Variants in PDE4B observed in about 807,000 individuals in gnomAD.
PDE4B encodes the protein phosphodiesterase 4B.
A neutral mutation model predicts 82.2 loss-of-function variants in PDE4B; 20 were observed. The ratio of observed to expected loss-of-function variants is 0.24; its 90% CI spans 0.17 to 0.35. The LOEUF is 0.35. Among genes scored for constraint, PDE4B ranks in the 10% least tolerant of loss-of-function variants. The pLI is 1.00. For missense variants in PDE4B, 655 were observed against 907.2 expected, an observed-to-expected ratio of 0.72 and a Z score of 3.57; for synonymous variants, 320 against 318.9, an observed-to-expected ratio of 1.00 and a Z score of -0.04.
intron 1 of PDE4B, among the ~76,000 whole-genome samples, chr1:65,858,117 C>G (rs1222685556): frequency 6.6e-6 from 1 of 152,148 alleles, no homozygotes; most frequent in Non-Finnish European, 1.5e-5. Context: ...CTAATTTTGT[C>G]ATTTGTGGTT....
chr1:66,031,802 AT>A (rs34675365), intron 3 of PDE4B, among the ~76,000 whole-genome samples: 1 of 131,822 alleles, frequency 7.6e-6, no homozygotes, highest in Admixed American at 7.2e-5. Context: ...CAATAGAAAT[AT>A]TTTTTTTCTA....
chr1:66,090,621 A>ATATATATATATATGTGTGTGTG lies in PDE4B; in HGVS notation c.282-156838_282-156837insATATATATATATGTGTGTGTGT. Among the ~76,000 whole-genome samples the ATATATATATATATGTGTGTGTG allele has an allele frequency of 8.7e-4, 107 of 122,648 alleles. 2 individuals carry two copies. The highest frequency in any genetic ancestry group is 3.7e-3 in the African/African-American group (91 of 24,320). The allele number at this position is 122,648 out of a possible 152,430, so 80.5% of individuals were successfully genotyped here. A position where few individuals can be genotyped will look rare whatever the true frequency, so the allele number is the denominator to read the frequency against. ...TTATATATATATATGTATATAATAT[A>ATATATATATATATGTGTGTGTG]TGTGTGTGTGTGTGTGTGTATGTAC... On this transcript the variant is annotated intron_variant, in intron 3 of 16. Transcript: ENST00000341517.
chr1:65,862,353 A>T (rs893137742), intron 1 of PDE4B, among the ~76,000 whole-genome samples: 1 of 152,170 alleles, frequency 6.6e-6, no homozygotes, highest in African/African-American at 2.4e-5. Flanking sequence ...GATTACATTT[A>T]TTGATTTGCA....
chr1:66,065,323 G>C (rs1227413133), intron 3 of PDE4B, among the ~76,000 whole-genome samples: 2 of 151,802 alleles, frequency 1.3e-5, no homozygotes, highest in South Asian at 2.1e-4. Context: ...TCAATTTTAA[G>C]TAGCATCCTG....
chr1:66,063,362 G>A (rs1313685770), intron 3 of PDE4B, among the ~76,000 whole-genome samples: 1 of 152,002 alleles, frequency 6.6e-6, no homozygotes, highest in African/African-American at 2.4e-5. Flanking sequence ...CCTACTTAGG[G>A]ATTCTGATAT....
At chr1:66,026,464 G>T (rs1376772166) in intron 3 of PDE4B, among the ~76,000 whole-genome samples, 2 of 152,130 alleles carry the variant, frequency 1.3e-5, no homozygotes, top group Admixed American at 6.6e-5. Flanking sequence ...CAGATTCTTT[G>T]GGTATATGTC....
At chr1:66,226,357 A>C (rs917649841) in intron 3 of PDE4B, among the ~76,000 whole-genome samples, 1 of 152,264 alleles carries the variant, frequency 6.6e-6, no homozygotes, top group Non-Finnish European at 1.5e-5. Context: ...CTGATTAAAA[A>C]TGAAGCAACA....
intron 3 of PDE4B, among the ~76,000 whole-genome samples, chr1:66,035,203 A>C (rs939751688): frequency 6.6e-6 from 1 of 152,182 alleles, no homozygotes; most frequent in Non-Finnish European, 1.5e-5. Flanking sequence ...TTTTTTGACA[A>C]ATAGTAATTG....
chr1:66,356,460 G>A (rs928465022), intron 9 of PDE4B, among the ~76,000 whole-genome samples: 1 of 152,170 alleles, frequency 6.6e-6, no homozygotes, highest in Non-Finnish European at 1.5e-5. Flanking sequence ...TAAATGGATA[G>A]CATTTAGATT....
chr1:66,083,318 AT>A (rs1443705785), intron 3 of PDE4B, among the ~76,000 whole-genome samples: 1 of 151,772 alleles, frequency 6.6e-6, no homozygotes, highest in African/African-American at 2.4e-5. Flanking sequence ...CTATATAATC[AT>A]TTTTTCCACT....
At chr1:66,138,462 T>C (rs1646105345) in intron 3 of PDE4B, among the ~76,000 whole-genome samples, 1 of 152,086 alleles carries the variant, frequency 6.6e-6, no homozygotes, top group African/African-American at 2.4e-5. Flanking sequence ...GAGGTTGCAG[T>C]GAGCCGAGAT....
chr1:66,043,441 A>G (rs1440745498), intron 3 of PDE4B, among the ~76,000 whole-genome samples: 3 of 151,734 alleles, frequency 2.0e-5, no homozygotes, highest in African/African-American at 7.3e-5. Flanking sequence ...AGAACTCAGC[A>G]GTTTGGGTTT....
chr1:66,373,470 C>G lies in PDE4B; in HGVS notation c.*792C>G, dbSNP rs1380628128. On this transcript the variant is annotated 3_prime_UTR_variant, in exon 17 of 17. Transcript: ENST00000341517. ...GTTCACCGTGAGAGTCTGCATAGAA[C>G]TCAGCAGTGTGCCCTGCTGTGTCTT... The G allele has an allele frequency of 6.6e-6, 1 of 152,660 alleles. No homozygotes were observed. Among genetic ancestry groups the G allele is most frequent in the African/African-American group, 2.4e-5 (1 of 41,436 alleles). 9.5% of individuals were successfully genotyped at this position (152,660 alleles called of 1,614,324 possible). A position where few individuals can be genotyped will look rare whatever the true frequency, so the allele number is the denominator to read the frequency against.
At chr1:65,863,453 T>C (rs974242633) in intron 1 of PDE4B, among the ~76,000 whole-genome samples, 4 of 152,210 alleles carry the variant, frequency 2.6e-5, no homozygotes, top group Non-Finnish European at 5.9e-5. Flanking sequence ...ATAAGTGCGA[T>C]GTGTTGCTGA....
At chr1:66,195,387 T>A (rs971662835) in intron 3 of PDE4B, among the ~76,000 whole-genome samples, 5 of 152,168 alleles carry the variant, frequency 3.3e-5, no homozygotes, top group Non-Finnish European at 7.4e-5. Context: ...ACAACATGAC[T>A]AAAAGGAGTC....
intron 3 of PDE4B, among the ~76,000 whole-genome samples, chr1:66,030,019 A>G (rs995646742): frequency 3.5e-4 from 50 of 143,206 alleles, no homozygotes; most frequent in Non-Finnish European, 1.8e-4. Flanking sequence ...GACTGCTTCA[A>G]TGCCTAATCT....
intron 9 of PDE4B, among the ~76,000 whole-genome samples, chr1:66,359,559 T>G (rs1252509380): frequency 6.6e-6 from 1 of 152,256 alleles, no homozygotes; most frequent in Admixed American, 6.5e-5. Context: ...TCTTCATTAT[T>G]GCAGTGTTCC....
chr1:65,841,703 C>T (rs1315940418), intron 1 of PDE4B, among the ~76,000 whole-genome samples: 1 of 152,060 alleles, frequency 6.6e-6, no homozygotes, highest in African/African-American at 2.4e-5. Flanking sequence ...CCTATATTGC[C>T]ATCTCTCTGG....
At chr1:66,048,414 T>C (rs1467974662) in intron 3 of PDE4B, among the ~76,000 whole-genome samples, 1 of 151,940 alleles carries the variant, frequency 6.6e-6, no homozygotes, top group South Asian at 2.1e-4. Flanking sequence ...GACTTGGGGA[T>C]GCTGGTGAAA....
Sources: allele counts gnomAD v4.1 joint callset (sites outside exome capture counted in the v4.1 genomes callset), GRCh38; gene constraint gnomAD v4.1.1; transcripts MANE v1.5; gene names NCBI Gene and HGNC (gene_info 2026-07-23, HGNC 2026-07-21).